SDK1: variants seen among roughly 807,000 people sequenced by gnomAD.
SDK1 encodes protein sidekick-1.
In SDK1, 157 loss-of-function variants were observed where a neutral mutation model predicts 245.5. The ratio of observed to expected loss-of-function variants is 0.64; its 90% confidence interval spans 0.56 to 0.73. The LOEUF (loss-of-function observed/expected upper bound fraction) is 0.73. Among genes scored for constraint, SDK1 ranks in the 30% least tolerant of loss-of-function variants. The pLI, the probability that SDK1 is intolerant of heterozygous loss-of-function variation, is 0.00. For synonymous variants in SDK1, 1,647 were observed against 1,278.5 expected (o/e 1.29, Z -6.15); for missense variants, 3,583 against 3,002.3 (o/e 1.19, Z -4.52).
intron 28 of SDK1, among the ~76,000 whole-genome samples, chr7:4,141,384 C>T (rs1779573322): frequency 6.6e-6 from 1 of 152,216 alleles, no homozygotes; most frequent in Non-Finnish European, 1.5e-5. Context: ...TTCATTTCAT[C>T]TCAGGATTAT....
At chr7:3,812,497 T>C (rs1779409927) in intron 4 of SDK1, among the ~76,000 whole-genome samples, 1 of 152,210 alleles carries the variant, frequency 6.6e-6, no homozygotes, top group Non-Finnish European at 1.5e-5. Context: ...AAGAGTTGGA[T>C]AGAAGGTGAA....
intron 1 of SDK1, among the ~76,000 whole-genome samples, chr7:3,361,657 A>C (rs1021169902): frequency 1.3e-5 from 2 of 152,208 alleles, no homozygotes; most frequent in African/African-American, 4.8e-5. Context: ...CTGATCAATT[A>C]CCCTATGGCT....
intron 1 of SDK1, among the ~76,000 whole-genome samples, chr7:3,459,362 T>C (rs529503038): frequency 6.6e-6 from 1 of 152,182 alleles, no homozygotes; most frequent in Non-Finnish European, 1.5e-5. Flanking sequence ...AATGCACAAA[T>C]CGTTTGCTGT....
At chr7:4,079,437 C>A (rs146206718) in intron 21 of SDK1, 26 bp from the exon 22 acceptor site, 5 of 1,613,170 alleles carry the variant, frequency 3.1e-6, no homozygotes, top group Non-Finnish European at 4.2e-6. Context: ...GTAAATCTCT[C>A]CCTTTCCTCC....
intron 1 of SDK1, among the ~76,000 whole-genome samples, chr7:3,518,550 C>T (rs533389232): frequency 2.0e-5 from 3 of 151,360 alleles, no homozygotes; most frequent in African/African-American, 7.3e-5. Flanking sequence ...CAAAATAATA[C>T]ATATACATGA....
rs116385943 is a variant in SDK1 at position 4,021,296 on chromosome 7, G to A, written c.2602+3944G>A. On this transcript the variant is annotated intron_variant, in intron 17 of 44. Transcript: ENST00000404826. ...CTATCCACAGATCGGGGTACTGGGC[G>A]TGCTTTGAAGAGTCCTCAGTCAGCA... Among the ~76,000 whole-genome samples the A allele has an allele frequency of 1.2e-3, 186 of 152,266 alleles. 1 individual carries two copies. The highest frequency in any genetic ancestry group is 4.3e-3 in the African/African-American group (177 of 41,560).
At chr7:3,361,920 T>A (rs1342966409) in intron 1 of SDK1, among the ~76,000 whole-genome samples, 2 of 152,224 alleles carry the variant, frequency 1.3e-5, no homozygotes, top group Non-Finnish European at 2.9e-5. Flanking sequence ...GTACTATATA[T>A]CTAAGAGCAG....
chr7:3,804,215 C>T lies in SDK1; in HGVS notation c.714-17235C>T, dbSNP rs1469455805. On this transcript the variant is annotated intron_variant, in intron 4 of 44. Coordinates refer to ENST00000404826, the MANE Select transcript of SDK1 (RefSeq NM_152744.4). The stretch of plus-strand genomic sequence containing the variant: ...CTGATATCTTCTCCTAAAAATTTTA[C>T]AGTTTTACAAATATATTTATGATGT... 3.3e-5 allele frequency among the ~76,000 whole-genome samples: 5 copies of T among 152,172 alleles called. No individual in the cohort carries two copies. The South Asian group carries it at 8.3e-4, about 25-fold the overall frequency.
chr7:3,829,009 C>G (rs1482360030), intron 5 of SDK1, among the ~76,000 whole-genome samples: 1 of 152,046 alleles, frequency 6.6e-6, no homozygotes, highest in Non-Finnish European at 1.5e-5. Flanking sequence ...ATGATTAATA[C>G]AATTCTTTGA....
chr7:3,975,646 T>C (rs1240178600), intron 13 of SDK1, among the ~76,000 whole-genome samples: 1 of 152,218 alleles, frequency 6.6e-6, no homozygotes, highest in African/African-American at 2.4e-5. Flanking sequence ...ACAAACAGCT[T>C]TCCTGTAGTC....
chr7:4,110,878 G>A, intron 23 of SDK1, 106 bp downstream of exon 23: 1 of 756,732 alleles, frequency 1.3e-6, no homozygotes, highest in Non-Finnish European at 2.3e-6. Flanking sequence ...CAAATCAGAT[G>A]TTTCCTAGTG....
chr7:3,985,121 G>T (rs905512033), intron 13 of SDK1, among the ~76,000 whole-genome samples: 1 of 152,028 alleles, frequency 6.6e-6, no homozygotes, highest in African/African-American at 2.4e-5. Flanking sequence ...TCCCAGCATG[G>T]CCAGACCCAT....
rs903865853 is a variant in SDK1 at position 3,618,643 on chromosome 7, T to G, written c.299-437T>G. On this transcript the variant is annotated intron_variant, in intron 1 of 44. Transcript: ENST00000404826. Reference sequence around the variant, plus strand: ...GGTTGCGATTCATGTCGTTTATGTATGTATGTCAATCTTGCTTATCTTACT... The same window carrying G: ...GGTTGCGATTCATGTCGTTTATGTAGGTATGTCAATCTTGCTTATCTTACT... 2.6e-5 allele frequency among the ~76,000 whole-genome samples: 4 copies of G among 152,224 alleles called. No homozygotes were observed. The East Asian group carries it at 7.7e-4, about 29-fold the overall frequency.
chr7:3,864,571 A>ACCAGAG (rs751454357), intron 5 of SDK1, among the ~76,000 whole-genome samples: 2 of 152,140 alleles, frequency 1.3e-5, no homozygotes, highest in Non-Finnish European at 2.9e-5. Flanking sequence ...AGACAACAAA[A>ACCAGAG]CCAGAGCTGA....
chr7:3,842,319 G>T (rs982850358), intron 5 of SDK1, among the ~76,000 whole-genome samples: 4 of 152,162 alleles, frequency 2.6e-5, no homozygotes, highest in African/African-American at 9.7e-5. Flanking sequence ...GCCTCCACTG[G>T]AGAATACCCA....
chr7:3,536,282 G>T (rs1583137598), intron 1 of SDK1, among the ~76,000 whole-genome samples: 1 of 151,734 alleles, frequency 6.6e-6, no homozygotes, highest in East Asian at 2.0e-4. Flanking sequence ...TAGCCAGGAT[G>T]GTCTCGATCT....
intron 25 of SDK1, among the ~76,000 whole-genome samples, chr7:4,117,600 C>T (rs1292118714): frequency 6.6e-6 from 1 of 152,168 alleles, no homozygotes; most frequent in Admixed American, 6.5e-5. Context: ...CGCAGCTGCC[C>T]TGGGTGGGAT....
At chr7:4,187,094 G>A (rs989542444) in intron 35 of SDK1, among the ~76,000 whole-genome samples, 3 of 152,166 alleles carry the variant, frequency 2.0e-5, no homozygotes, top group African/African-American at 7.2e-5. Flanking sequence ...CATGTTGGGT[G>A]TGTTATGTCT....
chr7:3,853,978 A>G (rs1275137997), intron 5 of SDK1, among the ~76,000 whole-genome samples: 1 of 151,628 alleles, frequency 6.6e-6, no homozygotes, highest in Admixed American at 6.6e-5. Context: ...ACAGAGCAAG[A>G]CTCCGTCTCA....
Sources: allele counts gnomAD v4.1 joint callset (sites outside exome capture counted in the v4.1 genomes callset), GRCh38; gene constraint gnomAD v4.1.1; transcripts MANE v1.5; gene names NCBI Gene and HGNC (gene_info 2026-07-23, HGNC 2026-07-21).